ATP6V1H: variants seen among roughly 807,000 people sequenced by gnomAD.
ATP6V1H encodes the protein V-type proton ATPase subunit H.
In ATP6V1H, 39 loss-of-function variants were observed where a neutral mutation model predicts 71.7. The ratio of observed to expected loss-of-function variants is 0.54; its 90% CI spans 0.42 to 0.71. The LOEUF (loss-of-function observed/expected upper bound fraction) is 0.71, where lower values mean the gene tolerates loss of function less well. ATP6V1H is among the 30% of genes least tolerant of loss of function. The probability of loss-of-function intolerance (pLI) is 0.00; values close to 1 mark genes in which losing one functional copy is unlikely to be tolerated. For synonymous variants in ATP6V1H, 192 were observed against 199.3 expected, an observed-to-expected ratio of 0.96 and a Z score of 0.31; for missense variants, 509 against 594.9, an observed-to-expected ratio of 0.86 and a Z score of 1.50.
At position 53,841,612 on chromosome 8, in the gene ATP6V1H, G is replaced by C. The variant is rs768780507; in HGVS notation, c.79C>G (p.Arg27Gly). ...NIIAAKAAEVRANKVNWQSYL... is the reference protein window; with the variant it reads ...NIIAAKAAEVGANKVNWQSYL... The stretch of plus-strand genomic sequence containing the variant: ...GATTGCCAGTTGACTTTGTTTGCAC[G>C]AACTTCTGCAGCCTTGGCAGCAATA... The change falls in exon 2 of 14, where the codon CGT becomes GGT. Residue 27 changes from arginine to glycine, a missense_variant. This residue lies in a region of ATP6V1H where 297 missense variants were observed against 303.3 expected (regional missense o/e 0.98). Transcript: ENST00000359530. 6.2e-7 allele frequency: 1 copy of C among 1,614,090 alleles called. No individual in the cohort carries two copies. Among genetic ancestry groups the C allele is most frequent in the Non-Finnish European group, 8.5e-7 (1 of 1,179,994 alleles).
rs772813660 is a variant in ATP6V1H, at chr8:53,795,677, T to C, written c.840A>G (p.Lys280=). 2 of 1,612,708 alleles carry C rather than the reference T, an allele frequency of 1.2e-6. No individual in the cohort carries two copies. Among genetic ancestry groups the C allele is most frequent in the Non-Finnish European group, 1.7e-6 (2 of 1,179,708 alleles). ...ATGCTGCAAGAATGATTCTTGTTAC[T>C]TTCTCTTTGACAGACTCCTGAAGGA... ...SDILQESVKE[K]VTRIILAAFR... The change falls in exon 9 of 14, where the codon AAA becomes AAG. Residue 280 remains lysine, a synonymous_variant. Transcript: ENST00000359530.
At chr8:53,784,771 T>G (rs1262673440) in intron 9 of ATP6V1H, among the ~76,000 whole-genome samples, 291 of 152,130 alleles carry the variant, frequency 1.9e-3, no homozygotes, top group African/African-American at 6.4e-3. Context: ...TGTCTGTAAA[T>G]GATTTTATTT....
chr8:53,833,367 G>GTTAGTA (rs375600895), intron 2 of ATP6V1H, among the ~76,000 whole-genome samples: 47 of 152,150 alleles, frequency 3.1e-4, no homozygotes, highest in African/African-American at 9.9e-4. Flanking sequence ...ACATAAGGTG[G>GTTAGTA]TTAGTAGCAT....
At chr8:53,831,778 T>C (rs1235396633) in intron 3 of ATP6V1H, 1 of 150,142 alleles carries the variant, frequency 6.7e-6, no homozygotes, top group African/African-American at 2.5e-5. Flanking sequence ...TTTGTATTTT[T>C]AGTAGAGACG....
chr8:53,791,177 C>T (rs1236948270), intron 9 of ATP6V1H, among the ~76,000 whole-genome samples: 3 of 152,084 alleles, frequency 2.0e-5, no homozygotes, highest in Non-Finnish European at 4.4e-5. Flanking sequence ...ATCTATTTTG[C>T]CACAGTGAAC....
At chr8:53,807,990 C>T (rs928774856) in intron 7 of ATP6V1H, among the ~76,000 whole-genome samples, 5 of 152,274 alleles carry the variant, frequency 3.3e-5, no homozygotes, top group East Asian at 1.9e-4. Context: ...GATTGCTCCA[C>T]TAAATCAAGA....
chr8:53,720,721 T>G (rs571728580), intron 13 of ATP6V1H, among the ~76,000 whole-genome samples: 16 of 152,306 alleles, frequency 1.1e-4, no homozygotes, highest in Admixed American at 7.2e-4. Flanking sequence ...AACTTAGTGA[T>G]AGGAAAAAAG....
Position 53,772,921 on chromosome 8 carries a change from AAC to A in ATP6V1H, c.871-756_871-755del, listed in dbSNP as rs1375578101. On this transcript the variant is annotated intron_variant, in intron 9 of 13. Coordinates refer to ENST00000359530, the MANE Select transcript of ATP6V1H (RefSeq NM_015941.4). ...TCAAATGCAAAAAAAAAAAAAAAAA[AAC>A]AAAACAGTAACAATTAACTCCAATT... Among the ~76,000 whole-genome samples, 113 of 146,870 alleles carry A rather than the reference AAC, an allele frequency of 7.7e-4. 2 individuals are homozygous for A. The highest frequency in any genetic ancestry group is 2.5e-3 in the African/African-American group (96 of 37,960).
At chr8:53,762,304 G>A (rs1232790505) in intron 11 of ATP6V1H, among the ~76,000 whole-genome samples, 1 of 150,494 alleles carries the variant, frequency 6.6e-6, no homozygotes, top group African/African-American at 2.4e-5. Context: ...TTTAATGAAA[G>A]ACAACAGTGT....
At chr8:53,824,207 C>G (rs1810754765) in intron 4 of ATP6V1H, among the ~76,000 whole-genome samples, 1 of 152,096 alleles carries the variant, frequency 6.6e-6, no homozygotes. Flanking sequence ...TGAACAATTT[C>G]TGTAGAAGAC....
Position 53,715,569 on chromosome 8 carries a change from T to C in ATP6V1H, c.*395A>G, listed in dbSNP as rs897872514. The C allele has an allele frequency of 1.2e-5, 2 of 166,480 alleles. No homozygotes were observed. Among genetic ancestry groups the C allele is most frequent in the Non-Finnish European group, 2.6e-5 (2 of 77,618 alleles). 10.3% of individuals were successfully genotyped at this position (166,480 alleles called of 1,614,324 possible). ...TGATAGAGCGATAGATTTTAAAACA[T>C]TTATTTGCCATTCACTACTTTGCAA... On this transcript the variant is annotated 3_prime_UTR_variant, in exon 14 of 14. Coordinates refer to ENST00000359530, the MANE Select transcript of ATP6V1H (RefSeq NM_015941.4).
At chr8:53,827,234 T>C (rs929709562) in intron 4 of ATP6V1H, among the ~76,000 whole-genome samples, 1 of 150,388 alleles carries the variant, frequency 6.6e-6, no homozygotes, top group Admixed American at 6.6e-5. Flanking sequence ...AACACAAAAA[T>C]TAGCCAGGCA....
In ATP6V1H at chr8:53,754,146, C is replaced by T. The variant is rs547754837; in HGVS notation, c.1277+2409G>A. On this transcript the variant is annotated intron_variant, in intron 12 of 13. Transcript: ENST00000359530. ...GCCCATTGCTCTTAGGCAGACAAAC[C>T]TCTCTGTAAAGGGCATTTAGTGCCT... 3.9e-5 allele frequency among the ~76,000 whole-genome samples: 6 copies of T among 152,250 alleles called. No individual in the cohort carries two copies. The South Asian group carries it at 1.2e-3, about 32-fold the overall frequency.
At chr8:53,773,655 G>C (rs1808757665) in intron 9 of ATP6V1H, among the ~76,000 whole-genome samples, 1 of 152,170 alleles carries the variant, frequency 6.6e-6, no homozygotes, top group African/African-American at 2.4e-5. Flanking sequence ...CTAAGGCTGG[G>C]GGGAGCCCCA....
chr8:53,735,610 A>C (rs189185101), intron 13 of ATP6V1H, among the ~76,000 whole-genome samples: 1 of 152,292 alleles, frequency 6.6e-6, no homozygotes, highest in Admixed American at 6.5e-5. Context: ...CCCGCAAATC[A>C]TAAGTCCCCC....
At chr8:53,806,810 A>T in intron 7 of ATP6V1H, 1 of 453,148 alleles carries the variant, frequency 2.2e-6, no homozygotes, top group Admixed American at 2.4e-5. Flanking sequence ...TACAAAGCCC[A>T]TTTTATAATC....
At chr8:53,809,030 A>C (rs1810186696) in intron 7 of ATP6V1H, among the ~76,000 whole-genome samples, 1 of 152,202 alleles carries the variant, frequency 6.6e-6, no homozygotes, top group East Asian at 1.9e-4. Context: ...TGATACCTTA[A>C]AAAGTCTGAG....
intron 4 of ATP6V1H, among the ~76,000 whole-genome samples, chr8:53,828,752 T>G (rs979076161): frequency 6.6e-6 from 1 of 152,126 alleles, no homozygotes; most frequent in Non-Finnish European, 1.5e-5. Flanking sequence ...ATAAATGTTT[T>G]TTTCCTTATA....
chr8:53,764,147 A>C (rs911418655), intron 11 of ATP6V1H, among the ~76,000 whole-genome samples: 9 of 152,240 alleles, frequency 5.9e-5, no homozygotes, highest in African/African-American at 1.2e-4. Context: ...CCAGAAAAAG[A>C]AGCAGCGGGA....
Sources: gnomAD v4.1 joint callset for allele counts (sites outside exome capture counted in the v4.1 genomes callset) on GRCh38, gnomAD v4.1.1 for gene constraint, gnomAD v4.1.1 regional missense constraint, MANE v1.5 for transcripts, NCBI Gene and HGNC (gene_info 2026-07-23, HGNC 2026-07-21) for gene names.